The following ZNF707 variants were observed in gnomAD, a reference collection of about 807,000 sequenced individuals.
The protein encoded by ZNF707 is zinc finger protein 707.
In ZNF707, 8 loss-of-function variants were observed where a neutral mutation model predicts 13.3. The ratio of observed to expected loss-of-function variants is 0.60; its 90% CI spans 0.35 to 1.09. The LOEUF is 1.09. Among genes scored for constraint, ZNF707 ranks in the 50% least tolerant of loss-of-function variants. ZNF707 has a pLI of 0.02. For synonymous variants in ZNF707, 225 were observed against 205.6 expected (o/e 1.09, Z -0.81); for missense variants, 530 against 512.6 (o/e 1.03, Z -0.33).
chr8:143,690,362 G>T (rs1816694631), intron 3 of ZNF707: 1 of 550,896 alleles, frequency 1.8e-6, no homozygotes, highest in African/African-American at 1.9e-5. Flanking sequence ...TCGAGGTCAG[G>T]AGATCAAGAC....
At chr8:143,690,956 G>T in intron 3 of ZNF707, 117 bp from the exon 4 acceptor site, 1 of 1,324,882 alleles carries the variant, frequency 7.5e-7, no homozygotes, top group East Asian at 2.5e-5. Flanking sequence ...TGGATTTAGG[G>T]GACACAAACA....
At chr8:143,690,190 C>G (rs1816675688) in intron 3 of ZNF707, 67 bp downstream of exon 3, 32 of 1,582,348 alleles carry the variant, frequency 2.0e-5, no homozygotes, top group Middle Eastern at 3.3e-4. Flanking sequence ...CCCCAGCACA[C>G]ACGCGGGGAG....
intron 2 of ZNF707, 37 bp from the exon 3 acceptor site, chr8:143,690,020 G>A: frequency 6.3e-7 from 1 of 1,584,014 alleles, no homozygotes; most frequent in Non-Finnish European, 8.6e-7. Flanking sequence ...GGCATTCCCA[G>A]GCCGGCTATA....
rs2131542076 is a variant in ZNF707, at chr8:143,693,965, C to G, written c.551C>G (p.Ala184Gly). 1 of 1,599,452 alleles carries G rather than the reference C, an allele frequency of 6.3e-7. No homozygotes were observed. Among genetic ancestry groups the G allele is most frequent in the East Asian group, 2.3e-5 (1 of 44,276 alleles). Residue 184 changes from alanine (A) to glycine (G), a missense_variant, in exon 6 of 6, where the codon GCG becomes GGG. Transcript: ENST00000358656. The surrounding 1 kb of genome is among the most constrained non-coding windows in gnomAD (Gnocchi z 4.1). ...TTCATCTGCGGCACGTGCGGGAAGG[C>G]GCTCAGCTGCCACAGCCGGCTGCTC... ...LSFICGTCGK[A>G]LSCHSRLLAH...
At position 143,694,010 on chromosome 8, in the gene ZNF707, C is replaced by G; in HGVS notation, c.596C>G (p.Thr199Arg). ...CTGCTCGCTCACCAGACGGTGCACA[C>G]GGGAACCAAGGCCTTCGAGTGCCCC... Reference protein sequence around the residue: ...SRLLAHQTVHTGTKAFECPEC... With the variant: ...SRLLAHQTVHRGTKAFECPEC... Residue 199 changes from threonine (T) to arginine (R), a missense_variant, in exon 6 of 6, where the codon ACG (threonine) becomes AGG (arginine). Transcript: ENST00000358656. This position sits in a 1 kb window ranked among gnomAD's most constrained non-coding sequence, Gnocchi z 4.4. 1.2e-6 allele frequency: 2 copies of G among 1,604,912 alleles called. No individual in the cohort carries two copies. Among genetic ancestry groups the G allele is most frequent in the Non-Finnish European group, 1.7e-6 (2 of 1,177,098 alleles).
At position 143,684,554 on chromosome 8, in the gene ZNF707, C is replaced by G. The variant is rs1373030211; in HGVS notation, c.-151+12C>G. On this transcript the variant is annotated intron_variant, in intron 1 of 5. Transcript: ENST00000358656. Reference sequence around the variant, plus strand: ...AGGACGCCCCTGTGGTGAGTGCGCCCGTGTCCCCCGCCGCCCCTCCGTCCC... The same window carrying G: ...AGGACGCCCCTGTGGTGAGTGCGCCGGTGTCCCCCGCCGCCCCTCCGTCCC... The G allele has an allele frequency of 1.3e-5, 2 of 152,320 alleles. No individual in the cohort carries two copies. The highest frequency in any genetic ancestry group is 4.8e-5 in the African/African-American group (2 of 41,450). 9.4% of individuals were successfully genotyped at this position (152,320 alleles called of 1,614,324 possible).
chr8:143,694,203 C>G lies in ZNF707; in HGVS notation c.789C>G (p.Gly263=), dbSNP rs782172891. 11 of 1,574,766 alleles carry G rather than the reference C, an allele frequency of 7.0e-6. No homozygotes were observed. Among genetic ancestry groups the G allele is most frequent in the African/African-American group, 1.4e-5 (1 of 74,060 alleles). Residue 263 remains glycine, a synonymous_variant, in exon 6 of 6, where the codon GGC becomes GGG. Coordinates refer to ENST00000358656, the MANE Select transcript of ZNF707 (RefSeq NM_001100598.2). The surrounding 1 kb of genome is among the most constrained non-coding windows in gnomAD (Gnocchi z 4.4). ...VHTEHRPYSC[G]DCGKAFKQKS... ...CCGAGCACAGGCCCTACTCGTGTGGCGACTGTGGGAAAGCCTTCAAGCAGA... is the reference window on the plus strand; with the variant it reads ...CCGAGCACAGGCCCTACTCGTGTGGGGACTGTGGGAAAGCCTTCAAGCAGA...
intron 3 of ZNF707, chr8:143,690,863 C>T: frequency 1.5e-6 from 1 of 652,446 alleles, no homozygotes; most frequent in East Asian, 2.8e-5. Context: ...AGGGCCCCTC[C>T]CTTCTGACCT....
At chr8:143,690,951 T>G in intron 3 of ZNF707, 122 bp from the exon 4 acceptor site, 2 of 1,286,000 alleles carry the variant, frequency 1.6e-6, no homozygotes, top group Non-Finnish European at 2.1e-6. Context: ...GTGAATGGAT[T>G]TAGGGGACAC....
rs782476703 is a variant in ZNF707 at position 143,694,334 on chromosome 8, A to G, written c.920A>G (p.Gln307Arg). ...FRTKENLSHH[Q>R]RVHSGEKPYT... ...ACCAAGGAGAACCTCAGCCACCACC[A>G]GAGGGTCCACAGCGGGGAGAAGCCC... Residue 307 changes from glutamine to arginine, a missense_variant, in exon 6 of 6, where the codon CAG (glutamine) becomes CGG (arginine). By Grantham distance (43) the Gln-to-Arg change is conservative. Coordinates refer to ENST00000358656, the MANE Select transcript of ZNF707 (RefSeq NM_001100598.2). This position sits in a 1 kb window ranked among gnomAD's most constrained non-coding sequence, Gnocchi z 4.4. 1 of 1,606,728 alleles carries G rather than the reference A, an allele frequency of 6.2e-7. No individual in the cohort carries two copies. The highest frequency in any genetic ancestry group is 8.5e-7 in the Non-Finnish European group (1 of 1,175,440).
intron 3 of ZNF707, 112 bp downstream of exon 3, chr8:143,690,235 G>A (rs2131522864): frequency 5.7e-6 from 8 of 1,410,402 alleles, no homozygotes; most frequent in Middle Eastern, 1.8e-4. Flanking sequence ...CACTGTGCCC[G>A]TGTCTGCCTT....
chr8:143,692,014 G>A (rs1309069417), intron 5 of ZNF707: 5 of 1,434,162 alleles, frequency 3.5e-6, no homozygotes, highest in Admixed American at 4.2e-5. Flanking sequence ...CCCAGGTGCT[G>A]TCCGGCGGAG....
chr8:143,693,584 C>T lies in ZNF707; in HGVS notation c.257-87C>T, dbSNP rs1040403792. The T allele has an allele frequency of 6.3e-6, 9 of 1,419,778 alleles. No homozygotes were observed. Among genetic ancestry groups the T allele is most frequent in the East Asian group, 5.1e-5 (2 of 39,022 alleles). 87.9% of individuals were successfully genotyped at this position (1,419,778 alleles called of 1,614,324 possible). A position where few individuals can be genotyped will look rare whatever the true frequency, so the allele number is the denominator to read the frequency against. ...TGCTGGGATTACAGGCGTGAGCCAC[C>T]GCGCCCGGCCTCCTCTGGGCTTTGC... On this transcript the variant is annotated intron_variant, in intron 5 of 5. Coordinates refer to ENST00000358656, the MANE Select transcript of ZNF707 (RefSeq NM_001100598.2). This position sits in a 1 kb window ranked among gnomAD's most constrained non-coding sequence, Gnocchi z 4.1.
chr8:143,691,220 G>A (rs1316775050), intron 4 of ZNF707, 21 bp downstream of exon 4: 7 of 1,599,662 alleles, frequency 4.4e-6, no homozygotes, highest in Non-Finnish European at 6.0e-6. Context: ...GCTGAGCGCA[G>A]CGTGAGCACA....
At position 143,692,215 on chromosome 8, in the gene ZNF707, C is replaced by T. The variant is rs1816877290; in HGVS notation, c.256+502C>T. On this transcript the variant is annotated intron_variant, in intron 5 of 5. Transcript: ENST00000358656. ...GGGTTGCTCTTGGGGCAGTTGTCAG[C>T]AGGGTTTTGCTTTTTACTTACATTT... 3 of 1,291,528 alleles carry T rather than the reference C, an allele frequency of 2.3e-6. No homozygotes were observed. In the South Asian group the frequency reaches 3.7e-5, roughly 16 times the overall value. The allele number at this position is 1,291,528 out of a possible 1,614,324, so 80.0% of individuals were successfully genotyped here.
chr8:143,692,993 C>G (rs1816971649), intron 5 of ZNF707, among the ~76,000 whole-genome samples: 1 of 152,168 alleles, frequency 6.6e-6, no homozygotes, highest in Non-Finnish European at 1.5e-5. Flanking sequence ...ACCACCTCCA[C>G]CCGCATGAGT....
chr8:143,691,451 C>G, intron 4 of ZNF707, 149 bp from the exon 5 acceptor site: 1 of 1,053,430 alleles, frequency 9.5e-7, no homozygotes, highest in Non-Finnish European at 1.3e-6. Flanking sequence ...AGGCCCCTCC[C>G]TTCCTGTCAT....
At position 143,693,112 on chromosome 8, in the gene ZNF707, C is replaced by G. The variant is rs562545728; in HGVS notation, c.257-559C>G. On this transcript the variant is annotated intron_variant, in intron 5 of 5. Coordinates refer to ENST00000358656, the MANE Select transcript of ZNF707 (RefSeq NM_001100598.2). The surrounding 1 kb of genome is among the most constrained non-coding windows in gnomAD (Gnocchi z 4.1). ...CCTCACGTCAGCAGTGCCGGGTGGC[C>G]TGCGTACCACCGGGGCTGGGGAAGC... 3.9e-5 allele frequency among the ~76,000 whole-genome samples: 6 copies of G among 152,258 alleles called. No individual in the cohort carries two copies. The South Asian group carries it at 1.2e-3, about 32-fold the overall frequency.
intron 3 of ZNF707, chr8:143,690,400 T>A: frequency 2.2e-6 from 1 of 449,238 alleles, no homozygotes; most frequent in South Asian, 3.7e-5. Flanking sequence ...TGAAACCCCA[T>A]CTCTACTAAA....
Sources: allele counts gnomAD v4.1 joint callset (sites outside exome capture counted in the v4.1 genomes callset), GRCh38; gene constraint gnomAD v4.1.1; non-coding constraint Gnocchi (gnomAD v3.1); transcripts MANE v1.5; gene names NCBI Gene and HGNC (gene_info 2026-07-23, HGNC 2026-07-21).